SIN3A: variants seen among roughly 807,000 people sequenced by gnomAD.
SIN3A encodes SIN3 transcription regulator family member A.
In SIN3A, 14 loss-of-function variants were observed where a neutral mutation model predicts 146.1. The observed-to-expected ratio is 0.10, with a 90% CI of 0.06 to 0.15. The LOEUF is 0.15. Ranked by LOEUF, SIN3A falls within the 10% of genes least tolerant of loss-of-function variation. The pLI is 1.00. For missense variants in SIN3A, 1,028 were observed against 1,576.0 expected (o/e 0.65, Z 5.89); for synonymous variants, 572 against 572.0 (o/e 1.00, Z 0.00).
chr15:75,429,119 G>A (rs897666639), intron 2 of SIN3A, among the ~76,000 whole-genome samples: 1 of 152,120 alleles, frequency 6.6e-6, no homozygotes, highest in African/African-American at 2.4e-5. Flanking sequence ...AGTTTTAGGG[G>A]AGTCAAAAAT....
chr15:75,424,179 T>A (rs1178891811), intron 2 of SIN3A, among the ~76,000 whole-genome samples: 1 of 151,748 alleles, frequency 6.6e-6, no homozygotes, highest in Non-Finnish European at 1.5e-5. Context: ...ATGCCTGTAA[T>A]CCCAGCACTT....
In SIN3A at chr15:75,411,670, G is replaced by A; in HGVS notation, c.830C>T (p.Ser277Phe). ...PPLPPYASPR[S>F]PPVQPHTPVT... The stretch of plus-strand genomic sequence containing the variant: ...TGGTGTGTGAGGCTGGACCGGCGGA[G>A]AACGTGGGGATGCATACGGTGGAAG... Residue 277 changes from serine (S) to phenylalanine (F), a missense_variant, in exon 6 of 21, where the codon TCT becomes TTT. Ser to Phe is a radical substitution (Grantham distance 155). Coordinates refer to ENST00000394947, the MANE Select transcript of SIN3A (RefSeq NM_001145358.2). 1 of 1,614,146 alleles carries A rather than the reference G, an allele frequency of 6.2e-7. No homozygotes were observed. The highest frequency in any genetic ancestry group is 8.5e-7 in the Non-Finnish European group (1 of 1,179,998).
At chr15:75,422,006 G>A (rs2073847958) in intron 3 of SIN3A, 1 of 152,314 alleles carries the variant, frequency 6.6e-6, no homozygotes, top group Non-Finnish European at 1.5e-5. Context: ...AGGAGCATGT[G>A]TTTTACTAAG....
rs575767692 is a variant in SIN3A, at chr15:75,409,723, T to C, written c.1317+113A>G. ...GCTTGGGCGACAGAGCGAGACTCGG[T>C]CTCAAAAAAACAAAAAAAAACAACA... On this transcript the variant is annotated intron_variant, in intron 8 of 20. Transcript: ENST00000394947. 4.9e-5 allele frequency: 58 copies of C among 1,192,990 alleles called. No individual in the cohort carries two copies. In the East Asian group the frequency reaches 1.3e-3, roughly 26 times the overall value. 73.9% of individuals were successfully genotyped at this position (1,192,990 alleles called of 1,614,324 possible).
At chr15:75,442,120 CAAAAAAAAAAAAAAAAAAAA>C (rs57418865) in intron 1 of SIN3A, among the ~76,000 whole-genome samples, 1 of 29,278 alleles carries the variant, frequency 3.4e-5, no homozygotes, top group Non-Finnish European at 5.3e-5. Context: ...GACTCTGTCT[CAAAAAAAAAAAAAAAAAAAA>C]AAAAAAAAAA....
rs944211695 is a variant in SIN3A, at chr15:75,411,687, C to T, written c.813G>A (p.Pro271=). 9.9e-6 allele frequency: 16 copies of T among 1,613,094 alleles called. No individual in the cohort carries two copies. Among genetic ancestry groups the T allele is most frequent in the East Asian group, 2.2e-5 (1 of 44,864 alleles). Residue 271 remains proline (P), a synonymous_variant, in exon 6 of 21, where the codon CCG becomes CCA. Coordinates refer to ENST00000394947, the MANE Select transcript of SIN3A (RefSeq NM_001145358.2). ...PASQQTPPLP[P]YASPRSPPVQ... ...CCGGCGGAGAACGTGGGGATGCATA[C>T]GGTGGAAGTGGGGGAGTCTGCTGAC... is the stretch of plus-strand genomic sequence containing the variant.
intron 17 of SIN3A, among the ~76,000 whole-genome samples, chr15:75,383,136 G>C (rs923225707): frequency 2.0e-5 from 3 of 151,762 alleles, no homozygotes; most frequent in Non-Finnish European, 2.9e-5. Flanking sequence ...GCTGGACATA[G>C]TGGTACATGA....
At chr15:75,450,438 CT>C in intron 1 of SIN3A, among the ~76,000 whole-genome samples, 1 of 152,292 alleles carries the variant, frequency 6.6e-6, no homozygotes, top group East Asian at 1.9e-4. Flanking sequence ...AAGGTTTTCC[CT>C]CCGCCACATT....
intron 19 of SIN3A, among the ~76,000 whole-genome samples, chr15:75,379,180 G>C (rs1419994612): frequency 1.3e-5 from 2 of 152,306 alleles, no homozygotes; most frequent in East Asian, 3.9e-4. Context: ...TTACAGGCGT[G>C]AGCCACTGCG....
chr15:75,379,669 C>T (rs2072928727), intron 19 of SIN3A, among the ~76,000 whole-genome samples: 1 of 152,194 alleles, frequency 6.6e-6, no homozygotes, highest in African/African-American at 2.4e-5. Context: ...CTCATTAGGA[C>T]TCAATAAGTC....
chr15:75,425,254 T>G lies in SIN3A; in HGVS notation c.190-2431A>C, dbSNP rs143478305. ...AGCACAATTTCGGCTCACTGCAACC[T>G]GTGCCTCCCAGGTTCAAGCGATTCT... is the stretch of plus-strand genomic sequence containing the variant. On this transcript the variant is annotated intron_variant, in intron 2 of 20. Transcript: ENST00000394947. Among the ~76,000 whole-genome samples the G allele has an allele frequency of 5.5e-3, 831 of 152,356 alleles. 19 individuals carry two copies. The highest frequency in any genetic ancestry group is 0.042 in the Admixed American group (637 of 15,302).
intron 17 of SIN3A, among the ~76,000 whole-genome samples, chr15:75,382,858 A>G (rs903787905): frequency 3.9e-5 from 6 of 152,118 alleles, no homozygotes; most frequent in Non-Finnish European, 7.4e-5. Flanking sequence ...CAAGGAGGGC[A>G]GATCACCTGA....
chr15:75,420,011 C>A (rs962915035), intron 3 of SIN3A: 4 of 151,600 alleles, frequency 2.6e-5, no homozygotes, highest in Non-Finnish European at 4.4e-5. Context: ...CTAGGTAGCA[C>A]AACTTAAAAA....
At chr15:75,445,105 G>T (rs1027410441) in intron 1 of SIN3A, among the ~76,000 whole-genome samples, 1 of 152,070 alleles carries the variant, frequency 6.6e-6, no homozygotes, top group Non-Finnish European at 1.5e-5. Flanking sequence ...ATAAGGCCAG[G>T]TGCAGTGGCT....
intron 9 of SIN3A, among the ~76,000 whole-genome samples, chr15:75,405,962 G>A (rs78622601): frequency 0.013 from 2,023 of 152,156 alleles, 18 homozygotes; most frequent in Non-Finnish European, 0.02. Context: ...ATTCACATCA[G>A]AGCTAAGGAC....
intron 9 of SIN3A, among the ~76,000 whole-genome samples, chr15:75,402,180 A>G (rs1030530839): frequency 6.6e-6 from 1 of 152,016 alleles, no homozygotes; most frequent in African/African-American, 2.4e-5. Context: ...ACGAGGTCAT[A>G]TATTGCCCAG....
chr15:75,420,395 T>G (rs2073821514), intron 3 of SIN3A: 1 of 152,184 alleles, frequency 6.6e-6, no homozygotes, highest in Non-Finnish European at 1.5e-5. Flanking sequence ...TTTTGTTTGT[T>G]TTTTCTGAGA....
At chr15:75,375,204 C>G (rs1278076726) in intron 20 of SIN3A, among the ~76,000 whole-genome samples, 3 of 152,160 alleles carry the variant, frequency 2.0e-5, no homozygotes, top group African/African-American at 7.2e-5. Flanking sequence ...AGGTGAGACT[C>G]TGTCTCAAAC....
At chr15:75,455,682 G>C (rs888989786), upstream of SIN3A, 2 of 152,208 alleles carry the variant, frequency 1.3e-5, no homozygotes, top group African/African-American at 4.8e-5. Flanking sequence ...CCCAGGGCCC[G>C]CAGGGCCCAC....
Sources: gnomAD v4.1 joint callset for allele counts (sites outside exome capture counted in the v4.1 genomes callset) on GRCh38, gnomAD v4.1.1 for gene constraint, MANE v1.5 for transcripts, NCBI Gene and HGNC (gene_info 2026-07-23, HGNC 2026-07-21) for gene names.